The following PPM1H variants were observed in gnomAD, a reference collection of about 807,000 sequenced individuals.
PPM1H encodes the protein protein phosphatase 1H.
In PPM1H, 27 loss-of-function variants were observed where a neutral mutation model predicts 54.9. That is an observed-to-expected ratio of 0.49 (90% confidence interval 0.36 to 0.68). The LOEUF is 0.68. Ranked by LOEUF, PPM1H falls within the 30% of genes least tolerant of loss-of-function variation. PPM1H has a pLI of 0.00. For missense variants in PPM1H, 596 were observed against 667.8 expected (o/e 0.89, Z 1.19); for synonymous variants, 305 against 270.8 (o/e 1.13, Z -1.24).
At chr12:62,665,896 C>T (rs962740972) in intron 9 of PPM1H, among the ~76,000 whole-genome samples, 2 of 151,966 alleles carry the variant, frequency 1.3e-5, no homozygotes, top group African/African-American at 4.8e-5. Context: ...CACCACCATG[C>T]TCAGCTAATT....
intron 4 of PPM1H, among the ~76,000 whole-genome samples, chr12:62,785,259 C>T (rs757255342): frequency 6.6e-6 from 1 of 152,336 alleles, no homozygotes; most frequent in South Asian, 2.1e-4. Context: ...TCACTGCAAC[C>T]TCTGCCTCCC....
chr12:62,865,271 ACT>A (rs1869734694), intron 1 of PPM1H, among the ~76,000 whole-genome samples: 1 of 151,700 alleles, frequency 6.6e-6, no homozygotes, highest in African/African-American at 2.4e-5. Context: ...CCCCAGAATA[ACT>A]CTCTGTCCAA....
At chr12:62,751,591 G>T (rs922891813) in intron 4 of PPM1H, among the ~76,000 whole-genome samples, 2 of 152,184 alleles carry the variant, frequency 1.3e-5, no homozygotes, top group Admixed American at 1.3e-4. Flanking sequence ...AAAGCTCATG[G>T]ATCTCCATCC....
chr12:62,676,134 C>T (rs544688215), intron 8 of PPM1H, among the ~76,000 whole-genome samples: 2 of 152,290 alleles, frequency 1.3e-5, no homozygotes, highest in Admixed American at 6.5e-5. Flanking sequence ...CACTCCAGGC[C>T]GTGGACTCCA....
At chr12:62,774,504 G>A (rs2076598377) in intron 4 of PPM1H, among the ~76,000 whole-genome samples, 1 of 152,036 alleles carries the variant, frequency 6.6e-6, no homozygotes, top group African/African-American at 2.4e-5. Context: ...ACCACATCTG[G>A]CTAATTTTTA....
At chr12:62,891,289 G>T (rs1293524424) in intron 1 of PPM1H, among the ~76,000 whole-genome samples, 2 of 152,030 alleles carry the variant, frequency 1.3e-5, no homozygotes, top group East Asian at 3.9e-4. Context: ...ATCATAAAAG[G>T]CTCAGTGCCT....
intron 1 of PPM1H, among the ~76,000 whole-genome samples, chr12:62,855,221 A>G (rs751826067): frequency 6.6e-6 from 1 of 152,170 alleles, no homozygotes; most frequent in Non-Finnish European, 1.5e-5. Context: ...CTTCCTGGCA[A>G]ACCATGATGT....
At chr12:62,745,597 A>G (rs2076405884) in intron 4 of PPM1H, among the ~76,000 whole-genome samples, 1 of 152,188 alleles carries the variant, frequency 6.6e-6, no homozygotes, top group African/African-American at 2.4e-5. Flanking sequence ...CTCAGAGGCC[A>G]TTATTTGGAG....
chr12:62,714,823 G>T (rs1428304997), intron 6 of PPM1H, among the ~76,000 whole-genome samples: 2 of 152,198 alleles, frequency 1.3e-5, no homozygotes, highest in Admixed American at 1.3e-4. Context: ...CTCATGACCA[G>T]AACCATCTGG....
chr12:62,913,510 T>C (rs1391586623), intron 1 of PPM1H, among the ~76,000 whole-genome samples: 1 of 152,102 alleles, frequency 6.6e-6, no homozygotes, highest in African/African-American at 2.4e-5. Context: ...TTTCCAGCTC[T>C]CCACTGTCTG....
chr12:62,755,991 T>C (rs141317644), intron 4 of PPM1H: 12 of 1,330,692 alleles, frequency 9.0e-6, no homozygotes, highest in African/African-American at 2.9e-5. Context: ...CTGCCAAATA[T>C]GATGACATCA....
intron 2 of PPM1H, among the ~76,000 whole-genome samples, chr12:62,824,308 G>A (rs1476450893): frequency 6.6e-6 from 1 of 152,148 alleles, no homozygotes; most frequent in African/African-American, 2.4e-5. Flanking sequence ...TCAATGTTGT[G>A]AAAATGGCCA....
chr12:62,784,177 A>G (rs2076657996), intron 4 of PPM1H, among the ~76,000 whole-genome samples: 1 of 152,162 alleles, frequency 6.6e-6, no homozygotes, highest in African/African-American at 2.4e-5. Context: ...GTGGCTGGTT[A>G]GCTCGGCAGA....
At chr12:62,911,973 T>A (rs1011859512) in intron 1 of PPM1H, among the ~76,000 whole-genome samples, 5 of 152,252 alleles carry the variant, frequency 3.3e-5, no homozygotes, top group Non-Finnish European at 7.3e-5. Context: ...GTCTTGGTTC[T>A]TGTTAAATCC....
intron 9 of PPM1H, among the ~76,000 whole-genome samples, chr12:62,665,020 G>T: frequency 6.9e-6 from 1 of 144,674 alleles, no homozygotes. Context: ...ATATATTTTT[G>T]GAAGGCAAAG....
chr12:62,830,285 TC>T (rs1191030528), intron 2 of PPM1H, among the ~76,000 whole-genome samples: 3 of 152,164 alleles, frequency 2.0e-5, no homozygotes, highest in African/African-American at 7.2e-5. Flanking sequence ...AGACGGAGTC[TC>T]GCTCTGTCAC....
intron 1 of PPM1H, among the ~76,000 whole-genome samples, chr12:62,861,791 G>T (rs1869611148): frequency 6.6e-6 from 1 of 152,196 alleles, no homozygotes. Context: ...CTTGCAGCAA[G>T]CTGGAGAGCA....
At chr12:62,885,008 T>A (rs1472890193) in intron 1 of PPM1H, among the ~76,000 whole-genome samples, 1 of 152,118 alleles carries the variant, frequency 6.6e-6, no homozygotes, top group East Asian at 1.9e-4. Context: ...TCCACATGGC[T>A]GGGGAGGCCT....
intron 8 of PPM1H, among the ~76,000 whole-genome samples, chr12:62,670,144 A>ATT (rs1398414232): frequency 2.6e-5 from 4 of 151,222 alleles, no homozygotes; most frequent in Non-Finnish European, 5.9e-5. Flanking sequence ...CGCCCGGCTA[A>ATT]TTTTGTATTT....
Sources: allele counts gnomAD v4.1 joint callset (sites outside exome capture counted in the v4.1 genomes callset), GRCh38; gene constraint gnomAD v4.1.1; transcripts MANE v1.5; gene names NCBI Gene and HGNC (gene_info 2026-07-23, HGNC 2026-07-21).